Variants in SESN1 observed in about 807,000 individuals in gnomAD.
SESN1 encodes the protein sestrin 1.
A neutral mutation model predicts 59.3 loss-of-function variants in SESN1; 30 were observed. The observed-to-expected ratio is 0.51, with a 90% confidence interval of 0.38 to 0.69. SESN1 has a LOEUF of 0.69. SESN1 is among the 30% of genes least tolerant of loss of function. The pLI is 0.00. For synonymous variants in SESN1, 197 were observed against 219.9 expected (o/e 0.90, Z 0.92); for missense variants, 566 against 673.0 (o/e 0.84, Z 1.76).
chr6:109,073,056 T>C (rs956428548), intron 1 of SESN1, among the ~76,000 whole-genome samples: 2 of 152,176 alleles, frequency 1.3e-5, no homozygotes, highest in Non-Finnish European at 2.9e-5. Context: ...GTATTGAAAT[T>C]AACAAAATAA....
At chr6:109,048,035 A>G (rs904441225) in intron 1 of SESN1, among the ~76,000 whole-genome samples, 1 of 149,372 alleles carries the variant, frequency 6.7e-6, no homozygotes, top group African/African-American at 2.5e-5. Context: ...TCCCTCCACT[A>G]TTGTCCCATG....
intron 1 of SESN1, among the ~76,000 whole-genome samples, chr6:109,040,453 T>C (rs946989446): frequency 1.3e-5 from 2 of 152,192 alleles, no homozygotes; most frequent in African/African-American, 2.4e-5. Flanking sequence ...GGAAAGTTAC[T>C]AAGAATTTAT....
intron 8 of SESN1, among the ~76,000 whole-genome samples, chr6:108,989,052 G>C (rs554747083): frequency 6.6e-6 from 1 of 152,276 alleles, no homozygotes; most frequent in Non-Finnish European, 1.5e-5. Flanking sequence ...GCCCAGGCTG[G>C]AGTGCAGTGG....
intron 8 of SESN1, among the ~76,000 whole-genome samples, chr6:108,990,105 G>C (rs1360850913): frequency 6.6e-6 from 1 of 152,206 alleles, no homozygotes; most frequent in Non-Finnish European, 1.5e-5. Flanking sequence ...CTCAGAGTTT[G>C]TGTGCATGTG....
chr6:109,021,615 T>C (rs1254272911), intron 1 of SESN1, among the ~76,000 whole-genome samples: 1 of 152,106 alleles, frequency 6.6e-6, no homozygotes, highest in Admixed American at 6.5e-5. Context: ...TTTTTTTTTG[T>C]ATTTTTAGTG....
chr6:109,068,721 CTTTT>C (rs752278370), intron 1 of SESN1, among the ~76,000 whole-genome samples: 2 of 133,474 alleles, frequency 1.5e-5, no homozygotes, highest in Admixed American at 7.6e-5. Flanking sequence ...ATTTCCTGGG[CTTTT>C]TTTTTTTTTT....
chr6:109,010,976 T>C (rs557483328), intron 1 of SESN1, among the ~76,000 whole-genome samples: 5 of 152,330 alleles, frequency 3.3e-5, no homozygotes, highest in Admixed American at 6.5e-5. Context: ...ATGTATGGGA[T>C]TGTGAGCTGC....
intron 1 of SESN1, among the ~76,000 whole-genome samples, chr6:109,068,974 G>A (rs945539044): frequency 1.3e-5 from 2 of 151,820 alleles, no homozygotes; most frequent in South Asian, 2.1e-4. Flanking sequence ...CACCTGCCTC[G>A]GCCTCCCAAA....
At chr6:109,030,141 T>A (rs560675969) in intron 1 of SESN1, among the ~76,000 whole-genome samples, 1 of 152,244 alleles carries the variant, frequency 6.6e-6, no homozygotes, top group African/African-American at 2.4e-5. Context: ...CACTGTCTAG[T>A]CCTGTGTTAG....
At chr6:109,031,015 G>A (rs1562464057) in intron 1 of SESN1, among the ~76,000 whole-genome samples, 2 of 152,162 alleles carry the variant, frequency 1.3e-5, no homozygotes, top group Admixed American at 1.3e-4. Context: ...GAAACAATTA[G>A]AGAACAATTC....
chr6:108,993,538 C>A (rs1459997397), intron 6 of SESN1, among the ~76,000 whole-genome samples: 2 of 152,118 alleles, frequency 1.3e-5, no homozygotes, highest in East Asian at 3.8e-4. Flanking sequence ...TTGATTGTTT[C>A]TTTGCTATTA....
intron 6 of SESN1, 119 bp downstream of exon 6, chr6:108,994,343 C>T: frequency 6.8e-6 from 5 of 735,810 alleles, no homozygotes; most frequent in Non-Finnish European, 1.0e-5. Context: ...AATACCTATG[C>T]AATAGTCTCT....
intron 1 of SESN1, 87 bp from the exon 2 acceptor site, chr6:109,002,430 T>G: frequency 9.9e-7 from 1 of 1,006,988 alleles, no homozygotes; most frequent in Non-Finnish European, 1.6e-6. Flanking sequence ...AAACAACCAG[T>G]CGAACAGAGA....
At chr6:109,042,701 A>T (rs1193250122) in intron 1 of SESN1, among the ~76,000 whole-genome samples, 1 of 152,020 alleles carries the variant, frequency 6.6e-6, no homozygotes, top group Non-Finnish European at 1.5e-5. Flanking sequence ...TATTAAGAAA[A>T]TTGAATTTGT....
Position 109,093,992 on chromosome 6 carries a change from T to C in SESN1, c.82A>G (p.Ile28Val). 2 of 1,614,228 alleles carry C rather than the reference T, an allele frequency of 1.2e-6. No homozygotes were observed. Among genetic ancestry groups the C allele is most frequent in the Middle Eastern group, 3.3e-4 (2 of 6,062 alleles). ...GTTTTCCTCAAAATGGTTTGCCTAA[T>C]GTTTTCCAATGCTGTCTCCCTAGTA... Reference protein sequence around the residue: ...STTRETALENIRQTILRKTEY... With the variant: ...STTRETALENVRQTILRKTEY... Residue 28 changes from isoleucine (I) to valine (V), a missense_variant, in exon 1 of 10, where the codon ATT (isoleucine) becomes GTT (valine). Coordinates refer to ENST00000436639, the MANE Select transcript of SESN1 (RefSeq NM_014454.3).
chr6:109,018,170 ATACTT>A (rs1779956196), intron 1 of SESN1, among the ~76,000 whole-genome samples: 1 of 152,224 alleles, frequency 6.6e-6, no homozygotes, highest in African/African-American at 2.4e-5. Flanking sequence ...TTCCTTACAC[ATACTT>A]TAGAGATATT....
intron 1 of SESN1, among the ~76,000 whole-genome samples, 155 bp downstream of exon 1, chr6:109,093,640 A>G (rs1045255440): frequency 1.3e-5 from 2 of 152,230 alleles, no homozygotes; most frequent in African/African-American, 4.8e-5. Flanking sequence ...AACTCTAGAA[A>G]AACACTACTT....
chr6:109,051,842 A>G (rs1780547750), intron 1 of SESN1, among the ~76,000 whole-genome samples: 1 of 152,174 alleles, frequency 6.6e-6, no homozygotes, highest in Admixed American at 6.5e-5. Flanking sequence ...ATGACAGAAG[A>G]CAGTCGAACA....
intron 1 of SESN1, among the ~76,000 whole-genome samples, chr6:109,046,322 TG>T (rs1780435604): frequency 6.6e-6 from 1 of 151,780 alleles, no homozygotes; most frequent in Non-Finnish European, 1.5e-5. Flanking sequence ...TAACCGCGAG[TG>T]ATCCGCCAGC....
Sources: allele counts gnomAD v4.1 joint callset (sites outside exome capture counted in the v4.1 genomes callset), GRCh38; gene constraint gnomAD v4.1.1; transcripts MANE v1.5; gene names NCBI Gene and HGNC (gene_info 2026-07-23, HGNC 2026-07-21).